Variants in NAV2 observed in about 807,000 individuals in gnomAD.
The protein encoded by NAV2 is helicase, APC down-regulated 1.
NAV2 carries 54 observed loss-of-function variants against 223.2 expected under a neutral mutation model. The observed-to-expected ratio is 0.24, with a 90% CI of 0.19 to 0.30. The LOEUF is 0.30. Among genes scored for constraint, NAV2 ranks in the 10% least tolerant of loss-of-function variants. The pLI is 1.00. For missense variants in NAV2, 2,806 were observed against 3,147.5 expected (o/e 0.89, Z 2.60); for synonymous variants, 1,279 against 1,239.3 (o/e 1.03, Z -0.67).
chr11:19,998,546 C>G lies in NAV2; in HGVS notation c.2768+14299C>G, dbSNP rs2052180875. On this transcript the variant is annotated intron_variant, in intron 11 of 37. Transcript: ENST00000349880. This position sits in a 1 kb window ranked among gnomAD's most constrained non-coding sequence, Gnocchi z 5.0. ...AGGTCAGACTCCTTGCCGTGGCCTC[C>G]AAGGGGGTGTGTGTTCTGGCCCCTG... Among the ~76,000 whole-genome samples, 1 of 152,146 alleles carries G rather than the reference C, an allele frequency of 6.6e-6. No homozygotes were observed. Among genetic ancestry groups the G allele is most frequent in the South Asian group, 2.1e-4 (1 of 4,832 alleles).
At chr11:20,060,550 G>A (rs959005766) in intron 19 of NAV2, among the ~76,000 whole-genome samples, 5 of 152,230 alleles carry the variant, frequency 3.3e-5, no homozygotes, top group African/African-American at 1.2e-4. Flanking sequence ...GAGGGTGGAT[G>A]TACATGCTGA....
At chr11:20,051,233 C>T (rs6483635) in intron 16 of NAV2, 56 bp from the exon 17 acceptor site, 1,494,272 of 1,496,832 alleles carry the variant, frequency 1, 745,901 homozygotes, top group East Asian at 1. Flanking sequence ...CTTTCCCTCT[C>T]TCTGCCTTCT....
At chr11:19,565,893 G>A (rs1194346144) in intron 1 of NAV2, among the ~76,000 whole-genome samples, 2 of 152,192 alleles carry the variant, frequency 1.3e-5, no homozygotes, top group Non-Finnish European at 1.5e-5. Context: ...ATGGCAGCTG[G>A]AGGAAAAGAA....
intron 1 of NAV2, among the ~76,000 whole-genome samples, chr11:19,745,196 C>G (rs2053230871): frequency 6.6e-6 from 1 of 152,198 alleles, no homozygotes. Flanking sequence ...TCCTGTCCCC[C>G]TCAGGAATCT....
At chr11:19,843,025 C>A in intron 3 of NAV2, 102 bp downstream of exon 3, 2 of 937,856 alleles carry the variant, frequency 2.1e-6, no homozygotes, top group Non-Finnish European at 3.4e-6. Context: ...TGCTTTACTC[C>A]AGGGGATTAT....
chr11:19,939,469 C>T (rs182751692), intron 7 of NAV2, among the ~76,000 whole-genome samples, 192 bp from the exon 8 acceptor site: 19 of 152,284 alleles, frequency 1.2e-4, no homozygotes, highest in South Asian at 1.2e-3. Flanking sequence ...TACAGTTCAG[C>T]GGCTCTCTCT....
upstream of NAV2, chr11:19,712,655 C>G (rs1338947359): frequency 6.6e-6 from 1 of 152,260 alleles, no homozygotes; most frequent in African/African-American, 2.4e-5. Context: ...CGCAAAGCGG[C>G]CACCAGCCCG....
intron 1 of NAV2, among the ~76,000 whole-genome samples, chr11:19,785,019 G>A (rs2057002375): frequency 6.6e-6 from 1 of 152,198 alleles, no homozygotes; most frequent in Non-Finnish European, 1.5e-5. Flanking sequence ...CTTGGGAGAT[G>A]AGCTGAATGA....
chr11:19,473,951 G>A (rs952085593), intron 1 of NAV2, among the ~76,000 whole-genome samples: 3 of 152,172 alleles, frequency 2.0e-5, no homozygotes, highest in African/African-American at 7.2e-5. Context: ...ACTCTGAAGG[G>A]TCGTTCTAGC....
chr11:19,669,741 C>A (rs891174609), intron 1 of NAV2, among the ~76,000 whole-genome samples: 1 of 152,136 alleles, frequency 6.6e-6, no homozygotes, highest in Non-Finnish European at 1.5e-5. Flanking sequence ...CTATCCAGTT[C>A]CCTTTCCTCT....
chr11:19,828,319 CAAAACTCTGTACCCATA>C (rs1252298364), intron 1 of NAV2, among the ~76,000 whole-genome samples: 21 of 147,142 alleles, frequency 1.4e-4, no homozygotes, highest in African/African-American at 4.5e-4. Context: ...CATCCCAAAC[CAAAACTCTGTACCCATA>C]AAACTTCCCT....
chr11:19,967,807 G>C (rs1020647036), intron 10 of NAV2, among the ~76,000 whole-genome samples: 1 of 152,158 alleles, frequency 6.6e-6, no homozygotes, highest in African/African-American at 2.4e-5. Context: ...ATGATTCAGG[G>C]TATCCAGGTG....
intron 1 of NAV2, among the ~76,000 whole-genome samples, chr11:19,686,629 T>A (rs1243084922): frequency 1.3e-5 from 2 of 152,164 alleles, no homozygotes; most frequent in Admixed American, 6.5e-5. Context: ...GAATAAAGCA[T>A]GGCTGCATGG....
Position 19,751,634 on chromosome 11 carries a change from T to G in NAV2, c.267+37672T>G, listed in dbSNP as rs188688301. The stretch of plus-strand genomic sequence containing the variant: ...TTTACTTCTTTAGTATGTGTGCTCT[T>G]TCTTGACCAACCCATCTAAACTAGC... On this transcript the variant is annotated intron_variant, in intron 1 of 37. Transcript: ENST00000349880. 9.1e-3 allele frequency among the ~76,000 whole-genome samples: 1,388 copies of G among 152,336 alleles called. 6 individuals carry two copies. Among genetic ancestry groups the G allele is most frequent in the Non-Finnish European group, 0.015 (1,014 of 68,024 alleles).
Position 20,103,299 on chromosome 11 carries a change from T to C in NAV2, c.6462T>C (p.Ser2154=), listed in dbSNP as rs776296365. The C allele has an allele frequency of 1.2e-6, 2 of 1,613,624 alleles. No individual in the cohort carries two copies. The highest frequency in any genetic ancestry group is 1.7e-5 in the Admixed American group (1 of 60,016). ...YLSNLADQCN[S]ENNAVDMPLV... Reference sequence around the variant, plus strand: ...CCAACCTTGCTGACCAGTGCAACAGTGAGAACAATGCTGTGGACATGCCCC... The same window carrying C: ...CCAACCTTGCTGACCAGTGCAACAGCGAGAACAATGCTGTGGACATGCCCC... The change falls in exon 33 of 38, where the codon AGT becomes AGC. Residue 2154 remains serine (S), a synonymous_variant. Transcript: ENST00000349880.
At chr11:19,914,780 A>G (rs535144981) in intron 6 of NAV2, among the ~76,000 whole-genome samples, 5 of 151,008 alleles carry the variant, frequency 3.3e-5, no homozygotes, top group Non-Finnish European at 5.9e-5. Flanking sequence ...TCCTGACCTC[A>G]TGATCCACCC....
intron 1 of NAV2, among the ~76,000 whole-genome samples, chr11:19,389,680 T>C (rs1849173916): frequency 6.6e-6 from 1 of 152,248 alleles, no homozygotes; most frequent in South Asian, 2.1e-4. Context: ...AGTGTATGTA[T>C]GGCACACAGT....
intron 1 of NAV2, among the ~76,000 whole-genome samples, chr11:19,823,551 G>A (rs2059493518): frequency 6.6e-6 from 1 of 152,004 alleles, no homozygotes; most frequent in African/African-American, 2.4e-5. Context: ...ATGTTGCCTA[G>A]GTTGGTCTTA....
At chr11:19,688,577 T>G (rs1403925256) in intron 1 of NAV2, among the ~76,000 whole-genome samples, 1 of 152,228 alleles carries the variant, frequency 6.6e-6, no homozygotes, top group African/African-American at 2.4e-5. Flanking sequence ...ATGATAATAT[T>G]CATATGCTCT....
Sources: gnomAD v4.1 joint callset for allele counts (sites outside exome capture counted in the v4.1 genomes callset) on GRCh38, gnomAD v4.1.1 for gene constraint, Gnocchi (gnomAD v3.1) non-coding constraint, MANE v1.5 for transcripts, NCBI Gene and HGNC (gene_info 2026-07-23, HGNC 2026-07-21) for gene names.